The following DMWD variants were observed in gnomAD, a reference collection of about 807,000 sequenced individuals.
The protein encoded by DMWD is dystrophia myotonica WD repeat-containing protein.
In DMWD, 19 loss-of-function variants were observed where a neutral mutation model predicts 45.8. The ratio of observed to expected loss-of-function variants is 0.41; its 90% confidence interval spans 0.29 to 0.61. The LOEUF (loss-of-function observed/expected upper bound fraction) is 0.61, where lower values mean the gene tolerates loss of function less well. Among genes scored for constraint, DMWD ranks in the 20% least tolerant of loss-of-function variants. The probability of loss-of-function intolerance (pLI) is 0.25; values close to 1 mark genes in which losing one functional copy is unlikely to be tolerated. For synonymous variants in DMWD, 515 were observed against 440.5 expected (o/e 1.17, Z -2.12); for missense variants, 802 against 965.2 (o/e 0.83, Z 2.24).
chr19:45,783,584 C>A lies in DMWD; in HGVS notation c.*659G>T. 1 of 398,754 alleles carries A rather than the reference C, an allele frequency of 2.5e-6. No homozygotes were observed. Among genetic ancestry groups the A allele is most frequent in the Non-Finnish European group, 4.4e-6 (1 of 226,202 alleles). 24.7% of individuals were successfully genotyped at this position (398,754 alleles called of 1,614,324 possible). On this transcript the variant is annotated 3_prime_UTR_variant, in exon 5 of 5. Coordinates refer to ENST00000270223, the MANE Select transcript of DMWD (RefSeq NM_004943.2). The stretch of plus-strand genomic sequence containing the variant: ...CGCAGGTCCGTTCCCTCCCTGGGCT[C>A]CGGCTTTTCCTGCTATGAAAAGGGG...
At position 45,792,762 on chromosome 19, in the gene DMWD, G is replaced by C; in HGVS notation, c.-6C>G. 2 of 1,125,118 alleles carry C rather than the reference G, an allele frequency of 1.8e-6. No individual in the cohort carries two copies. Among genetic ancestry groups the C allele is most frequent in the Non-Finnish European group, 2.2e-6 (2 of 919,718 alleles). The allele number at this position is 1,125,118 out of a possible 1,614,324, so 69.7% of individuals were successfully genotyped here. ...TCCGCGCCGCCCGCCGCCATCTTGG[G>C]CGCCCCCCGGGCCCCGCCACTGCCG... On this transcript the variant is annotated 5_prime_UTR_variant, in exon 1 of 5. Coordinates refer to ENST00000270223, the MANE Select transcript of DMWD (RefSeq NM_004943.2).
At chr19:45,785,528 C>T in intron 3 of DMWD, 66 bp downstream of exon 3, 1 of 1,429,214 alleles carries the variant, frequency 7.0e-7, no homozygotes, top group Non-Finnish European at 9.2e-7. Flanking sequence ...CTCTCTCTGC[C>T]AATGCCTGCC....
chr19:45,791,775 A>T (rs1461256536), intron 1 of DMWD, among the ~76,000 whole-genome samples: 1 of 151,718 alleles, frequency 6.6e-6, no homozygotes, highest in Non-Finnish European at 1.5e-5. Flanking sequence ...CCGGACGCTC[A>T]TCTCCTCCAG....
Position 45,785,650 on chromosome 19 carries a change from T to C in DMWD, c.1846A>G (p.Ile616Val), listed in dbSNP as rs1373582167. 3.9e-6 allele frequency: 6 copies of C among 1,556,966 alleles called. No homozygotes were observed. The highest frequency in any genetic ancestry group is 3.6e-5 in the Admixed American group (2 of 55,362). Residue 616 changes from isoleucine to valine, a missense_variant, in exon 3 of 5, where the codon ATC becomes GTC. Coordinates refer to ENST00000270223, the MANE Select transcript of DMWD (RefSeq NM_004943.2). Reference sequence around the variant, plus strand: ...AGGCCCTCCTGGCAGGCAGTGATGATGCAGTCCTCCAGGAACAGGAGGACT... The same window carrying C: ...AGGCCCTCCTGGCAGGCAGTGATGACGCAGTCCTCCAGGAACAGGAGGACT... ...LTVLLFLEDC[I>V]ITACQEGLIC... is the part of the protein sequence containing the mutation.
intron 2 of DMWD, among the ~76,000 whole-genome samples, chr19:45,788,527 T>C (rs1268994793): frequency 6.6e-6 from 1 of 152,118 alleles, no homozygotes; most frequent in Non-Finnish European, 1.5e-5. Flanking sequence ...AGCCAGCCCC[T>C]CCGTTATTTC....
chr19:45,785,511 C>A (rs771959831), intron 3 of DMWD, 83 bp downstream of exon 3: 18 of 1,421,472 alleles, frequency 1.3e-5, no homozygotes, highest in Non-Finnish European at 1.6e-5. Flanking sequence ...GTGACAGCAA[C>A]AAAGCCCTCT....
At chr19:45,785,469 T>C (rs1970257507) in intron 3 of DMWD, 125 bp downstream of exon 3, 1 of 1,393,748 alleles carries the variant, frequency 7.2e-7, no homozygotes, top group Non-Finnish European at 9.3e-7. Context: ...AAGATTTCCC[T>C]GGCTTCCCCT....
At chr19:45,790,625 C>T in intron 2 of DMWD, 1 of 240,020 alleles carries the variant, frequency 4.2e-6, no homozygotes, top group Admixed American at 5.1e-5. Flanking sequence ...TGCACTCCAG[C>T]CTGGGTGACA....
At chr19:45,789,323 C>T (rs1309739883) in intron 2 of DMWD, 1 of 152,254 alleles carries the variant, frequency 6.6e-6, no homozygotes, top group Non-Finnish European at 1.5e-5. Flanking sequence ...CAGCCATTCA[C>T]TCATTCTGAG....
chr19:45,784,500 G>C, intron 4 of DMWD, 141 bp downstream of exon 4: 1 of 1,338,704 alleles, frequency 7.5e-7, no homozygotes, highest in Non-Finnish European at 1.0e-6. Flanking sequence ...GCACTTTCAC[G>C]CAATAATCAA....
intron 3 of DMWD, 59 bp downstream of exon 3, chr19:45,785,535 T>C (rs894408840): frequency 4.2e-6 from 6 of 1,431,676 alleles, no homozygotes; most frequent in Non-Finnish European, 4.6e-6. Flanking sequence ...TGCCAATGCC[T>C]GCCTCTTCCC....
chr19:45,789,335 A>G (rs1970323755), intron 2 of DMWD: 1 of 152,246 alleles, frequency 6.6e-6, no homozygotes, highest in Non-Finnish European at 1.5e-5. Context: ...CATTCTGAGA[A>G]TATTTATGGA....
chr19:45,792,723 G>A lies in DMWD; in HGVS notation c.34C>T (p.Pro12Ser), dbSNP rs757266787. ...GCGCAGTCCCCCATGGCGGCGCCGG[G>A]GCCCGAGCCGCCCTCCGCGCCGCCC... ...AAGGAEGGSGPGAAMGDCAEI... is the reference protein window; with the variant it reads ...AAGGAEGGSGSGAAMGDCAEI... The change falls in exon 1 of 5, where the codon CCC (proline) becomes TCC (serine). Residue 12 changes from proline (P) to serine (S), a missense_variant. This residue lies in a region of DMWD where 151 missense variants were observed against 128.1 expected (regional missense o/e 1.18). Coordinates refer to ENST00000270223, the MANE Select transcript of DMWD (RefSeq NM_004943.2). The A allele has an allele frequency of 1.7e-6, 2 of 1,187,118 alleles. No individual in the cohort carries two copies. The highest frequency in any genetic ancestry group is 2.9e-5 in the South Asian group (1 of 34,544). The allele number at this position is 1,187,118 out of a possible 1,614,324, so 73.5% of individuals were successfully genotyped here.
intron 2 of DMWD, 32 bp downstream of exon 2, chr19:45,790,873 G>C: frequency 1.9e-6 from 3 of 1,580,478 alleles, no homozygotes; most frequent in Non-Finnish European, 1.7e-6. Context: ...TGAGAAGGCA[G>C]AGAAGTTGGG....
chr19:45,792,460 C>A lies in DMWD; in HGVS notation c.297G>T (p.Val99=). 1 of 1,467,060 alleles carries A rather than the reference C, an allele frequency of 6.8e-7. No individual in the cohort carries two copies. The highest frequency in any genetic ancestry group is 1.3e-5 in the South Asian group (1 of 75,450). 90.9% of individuals were successfully genotyped at this position (1,467,060 alleles called of 1,614,324 possible). ...PALPAVRLSL[V]RLGEPDSAGA... ...CGGCGCTGTCCGGCTCCCCGAGGCGCACGAGGCTGAGGCGCACGGCGGGCA... is the reference window on the plus strand; with the variant it reads ...CGGCGCTGTCCGGCTCCCCGAGGCGAACGAGGCTGAGGCGCACGGCGGGCA... Residue 99 remains valine, a synonymous_variant, in exon 1 of 5, where the codon GTG becomes GTT. Coordinates refer to ENST00000270223, the MANE Select transcript of DMWD (RefSeq NM_004943.2).
At position 45,792,567 on chromosome 19, in the gene DMWD, C is replaced by CGGGCGGGGGCTGCGGTGGCTG. The variant is rs1314243161; in HGVS notation, c.169_189dup (p.Gln57_Pro63dup). 1 of 1,241,814 alleles carries CGGGCGGGGGCTGCGGTGGCTG rather than the reference C, an allele frequency of 8.1e-7. No individual in the cohort carries two copies. The highest frequency in any genetic ancestry group is 1.6e-5 in the African/African-American group (1 of 63,088). 76.9% of individuals were successfully genotyped at this position (1,241,814 alleles called of 1,614,324 possible). A position where few individuals can be genotyped will look rare whatever the true frequency, so the allele number is the denominator to read the frequency against. ...CCGGGACCGGAGGCGGAGGCAGGGC[C>CGGGCGGGGGCTGCGGTGGCTG]GGGCGGGGGCTGCGGTGGCTGAGGC... On this transcript the variant is annotated inframe_insertion, in exon 1 of 5. Transcript: ENST00000270223.
In DMWD at chr19:45,783,873, C is replaced by G; in HGVS notation, c.*370G>C. ...GGGGGCCGGGCGAGGGCTGGACCAC[C>G]CCCGGCCCTGCCCACTCAACTGAGG... On this transcript the variant is annotated 3_prime_UTR_variant, in exon 5 of 5. Coordinates refer to ENST00000270223, the MANE Select transcript of DMWD (RefSeq NM_004943.2). 2.1e-6 allele frequency: 1 copy of G among 481,430 alleles called. No individual in the cohort carries two copies. The allele number at this position is 481,430 out of a possible 1,614,324, so 29.8% of individuals were successfully genotyped here.
intron 3 of DMWD, among the ~76,000 whole-genome samples, chr19:45,785,002 C>G (rs1004226223): frequency 2.0e-5 from 3 of 152,224 alleles, no homozygotes; most frequent in African/African-American, 7.2e-5. Flanking sequence ...AGGAGGCAAG[C>G]ACATCCACCC....
chr19:45,787,485 C>T (rs1970297204), intron 2 of DMWD, among the ~76,000 whole-genome samples: 1 of 152,180 alleles, frequency 6.6e-6, no homozygotes, highest in South Asian at 2.1e-4. Flanking sequence ...TCCCTGGTGC[C>T]AAAATGGTTG....
Sources: gnomAD v4.1 joint callset for allele counts (sites outside exome capture counted in the v4.1 genomes callset) on GRCh38, gnomAD v4.1.1 for gene constraint, gnomAD v4.1.1 regional missense constraint, MANE v1.5 for transcripts, NCBI Gene and HGNC (gene_info 2026-07-23, HGNC 2026-07-21) for gene names.